CTXND2: variants seen among roughly 807,000 people sequenced by gnomAD.
CTXND2 encodes the protein cortexin domain containing 2.
chr1:150,904,835 G>A (rs1305069459), intron 1 of CTXND2, among the ~76,000 whole-genome samples: 2 of 152,096 alleles, frequency 1.3e-5, no homozygotes, highest in Admixed American at 6.5e-5. Context: ...AAGGTCACAT[G>A]CTTTTAAAAT....
At chr1:150,900,044 G>A (rs1206138288) in intron 1 of CTXND2, among the ~76,000 whole-genome samples, 1 of 152,102 alleles carries the variant, frequency 6.6e-6, no homozygotes, top group African/African-American at 2.4e-5. Flanking sequence ...CACGGGCAGG[G>A]CCAAATAAGG....
intron 1 of CTXND2, among the ~76,000 whole-genome samples, chr1:150,899,458 A>T (rs587773902): frequency 1.3e-5 from 2 of 152,250 alleles, no homozygotes; most frequent in African/African-American, 2.4e-5. Flanking sequence ...TTAAAAATTT[A>T]AAAATTCCAA....
intron 1 of CTXND2, among the ~76,000 whole-genome samples, chr1:150,909,342 G>A (rs1669209002): frequency 6.6e-6 from 1 of 151,762 alleles, no homozygotes; most frequent in Non-Finnish European, 1.5e-5. Context: ...GAGCCCAGGA[G>A]TTTGAGACCA....
chr1:150,907,796 G>A (rs1215695715), intron 1 of CTXND2, among the ~76,000 whole-genome samples: 5 of 129,258 alleles, frequency 3.9e-5, no homozygotes, highest in Non-Finnish European at 4.7e-5. Context: ...CGCAAGCTCC[G>A]CCTCCCAGGT....
chr1:150,894,571 T>C (rs1668890191), intron 1 of CTXND2, among the ~76,000 whole-genome samples: 2 of 152,176 alleles, frequency 1.3e-5, no homozygotes, highest in Admixed American at 1.3e-4. Flanking sequence ...ATGTATTTAT[T>C]TATTTATTTT....
At chr1:150,912,655 A>G in exon 2 of CTXND2, 1 of 393,772 alleles carries the variant, frequency 2.5e-6, no homozygotes, top group Non-Finnish European at 4.5e-6. Flanking sequence ...TACTAAAGTG[A>G]GATAAAGGTT....
At chr1:150,902,324 A>G (rs1047497671) in intron 1 of CTXND2, among the ~76,000 whole-genome samples, 1 of 151,298 alleles carries the variant, frequency 6.6e-6, no homozygotes, top group African/African-American at 2.4e-5. Context: ...GGAGAATGGC[A>G]TGAACCCGGG....
At chr1:150,895,745 G>A (rs1438765810) in intron 1 of CTXND2, among the ~76,000 whole-genome samples, 2 of 152,200 alleles carry the variant, frequency 1.3e-5, no homozygotes, top group Non-Finnish European at 2.9e-5. Flanking sequence ...TGGCAGCCAA[G>A]GTGTTAGTGC....
At chr1:150,891,011 G>A (rs587629209) in intron 1 of CTXND2, among the ~76,000 whole-genome samples, 4 of 152,070 alleles carry the variant, frequency 2.6e-5, no homozygotes, top group East Asian at 1.9e-4. Context: ...TTTATTAATC[G>A]ATGAAGGTTG....
At chr1:150,898,152 G>GTT (rs781644210) in intron 1 of CTXND2, among the ~76,000 whole-genome samples, 2 of 129,510 alleles carry the variant, frequency 1.5e-5, no homozygotes, top group Admixed American at 8.8e-5. Context: ...ATAGATGTGG[G>GTT]GTTTTTTTTT....
chr1:150,905,509 A>G (rs1195478999), intron 1 of CTXND2, among the ~76,000 whole-genome samples: 2 of 152,262 alleles, frequency 1.3e-5, no homozygotes, highest in Admixed American at 1.3e-4. Context: ...AACCCAGTGT[A>G]AAAGATATGA....
intron 1 of CTXND2, among the ~76,000 whole-genome samples, chr1:150,900,282 A>C (rs976873496): frequency 2.0e-5 from 3 of 151,816 alleles, no homozygotes; most frequent in African/African-American, 7.3e-5. Context: ...CCGGACTGCC[A>C]CCTTTAAGAG....
chr1:150,902,917 C>T (rs1669067002), intron 1 of CTXND2, among the ~76,000 whole-genome samples: 2 of 152,056 alleles, frequency 1.3e-5, no homozygotes, highest in Admixed American at 1.3e-4. Flanking sequence ...ATTCCAGCAA[C>T]TTTCCCCAAG....
intron 1 of CTXND2, among the ~76,000 whole-genome samples, chr1:150,902,293 G>A (rs1373143657): frequency 7.0e-4 from 107 of 152,116 alleles, no homozygotes; most frequent in Non-Finnish European, 8.8e-5. Flanking sequence ...TGTAGTCCCA[G>A]CTACTCGGGA....
chr1:150,903,994 C>G, intron 1 of CTXND2: 2 of 647,730 alleles, frequency 3.1e-6, no homozygotes, highest in Non-Finnish European at 5.8e-6. Flanking sequence ...GGCCTAATCT[C>G]CATGGTCTCT....
chr1:150,907,810 C>T (rs1350862489), intron 1 of CTXND2, among the ~76,000 whole-genome samples: 1 of 150,946 alleles, frequency 6.6e-6, no homozygotes, highest in Non-Finnish European at 1.5e-5. Context: ...CCCAGGTTCA[C>T]GCCATTCTCC....
At chr1:150,900,823 T>C (rs1436981899) in intron 1 of CTXND2, among the ~76,000 whole-genome samples, 2 of 151,986 alleles carry the variant, frequency 1.3e-5, no homozygotes, top group African/African-American at 4.8e-5. Context: ...TTACATAAAA[T>C]ATATAACTGT....
In CTXND2 at chr1:150,895,642, C is replaced by T. The variant is rs77864246; in HGVS notation, c.-74+8329C>T. On this transcript the variant is annotated intron_variant, in intron 1 of 1. Transcript: ENST00000636087. ...GATTACAGGCGTGAGCCACTGCACCCGGCCATGAAGAAGTCTTTCTTCACA... is the reference window on the plus strand; with the variant it reads ...GATTACAGGCGTGAGCCACTGCACCTGGCCATGAAGAAGTCTTTCTTCACA... Among the ~76,000 whole-genome samples, 1,291 of 152,280 alleles carry T rather than the reference C, an allele frequency of 8.5e-3. 8 individuals are homozygous for T. Among genetic ancestry groups the T allele is most frequent in the Non-Finnish European group, 0.012 (817 of 68,028 alleles).
chr1:150,912,305 G>A (rs1325590527), exon 2 of CTXND2: 9 of 398,474 alleles, frequency 2.3e-5, no homozygotes, highest in Admixed American at 4.4e-5. Context: ...GTAACGAGGT[G>A]CAAGTCCCCA....
Sources: allele counts gnomAD v4.1 joint callset (sites outside exome capture counted in the v4.1 genomes callset), GRCh38; gene constraint gnomAD v4.1.1; transcripts MANE v1.5; gene names NCBI Gene and HGNC (gene_info 2026-07-23, HGNC 2026-07-21).